The following ZNF43 variants were observed in gnomAD, a reference collection of about 807,000 sequenced individuals.
The protein encoded by ZNF43 is zinc finger protein 43, also known as zinc finger protein 39-like 1 (KOX 27).
A neutral mutation model predicts 68.4 loss-of-function variants in ZNF43; 44 were observed. The ratio of observed to expected loss-of-function variants is 0.64; its 90% CI spans 0.51 to 0.83. The LOEUF (loss-of-function observed/expected upper bound fraction) is 0.83, where lower values mean the gene tolerates loss of function less well. ZNF43 is among the 40% of genes least tolerant of loss of function. ZNF43 has a pLI of 0.00. For missense variants in ZNF43, 896 were observed against 933.2 expected (o/e 0.96, Z 0.52); for synonymous variants, 308 against 307.8 (o/e 1.00, Z -0.01).
intron 3 of ZNF43, among the ~76,000 whole-genome samples, chr19:21,813,290 A>G (rs1175925907): frequency 1.3e-5 from 2 of 152,100 alleles, no homozygotes; most frequent in Non-Finnish European, 1.5e-5. Context: ...CTTAAAAATG[A>G]AATCATCAAA....
intron 1 of ZNF43, among the ~76,000 whole-genome samples, chr19:21,832,868 GA>G (rs112486130): frequency 0.049 from 7,271 of 147,094 alleles, 329 homozygotes; most frequent in African/African-American, 0.12. Context: ...CATGTCAATT[GA>G]AAAAAAAAAA....
chr19:21,809,661 C>A lies in ZNF43; in HGVS notation c.376G>T (p.Val126Leu), dbSNP rs750791269. 8 of 1,613,506 alleles carry A rather than the reference C, an allele frequency of 5.0e-6. No homozygotes were observed. In the Admixed American group the frequency reaches 1.2e-4, roughly 24 times the overall value. The change falls in exon 4 of 4, where the codon GTG becomes TTG. Residue 126 changes from valine to leucine, a missense_variant. Coordinates refer to ENST00000354959, the MANE Select transcript of ZNF43 (RefSeq NM_003423.4). ...AATCCATTATAACCTCCTCTGTGCACCTTACACTCATCCACACTTTTATGG... is the reference window on the plus strand; with the variant it reads ...AATCCATTATAACCTCCTCTGTGCAACTTACACTCATCCACACTTTTATGG... ...KDHKSVDECK[V>L]HRGGYNGFNQ...
chr19:21,808,988 G>C lies in ZNF43; in HGVS notation c.1049C>G (p.Ala350Gly). 1 of 1,613,420 alleles carries C rather than the reference G, an allele frequency of 6.2e-7. No individual in the cohort carries two copies. Among genetic ancestry groups the C allele is most frequent in the Non-Finnish European group, 8.5e-7 (1 of 1,179,828 alleles). Residue 350 changes from alanine to glycine, a missense_variant, in exon 4 of 4, where the codon GCC becomes GGC. Coordinates refer to ENST00000354959, the MANE Select transcript of ZNF43 (RefSeq NM_003423.4). The part of the protein sequence containing the change: ...KPYTCEECGK[A>G]FNQFSNLTTH... ...AGTAAGGTTTGAGAACTGGTTAAAG[G>C]CTTTGCCACATTCTTCACATGTGTA...
intron 1 of ZNF43, among the ~76,000 whole-genome samples, chr19:21,844,921 A>AAAAATATATAT (rs1310761266): frequency 7.7e-5 from 2 of 26,050 alleles, no homozygotes; most frequent in Non-Finnish European, 6.2e-5. Context: ...AAAAAAAAAA[A>AAAAATATATAT]ATATATATAT....
chr19:21,835,787 G>A (rs1294491179), intron 1 of ZNF43, among the ~76,000 whole-genome samples: 1 of 152,248 alleles, frequency 6.6e-6, no homozygotes, highest in African/African-American at 2.4e-5. Flanking sequence ...CACAATTTGG[G>A]AGAGACGCCG....
At position 21,818,097 on chromosome 19, in the gene ZNF43, A is replaced by C; in HGVS notation, c.131-111T>G. Reference sequence around the variant, plus strand: ...ATAGAATATCCTAATCATTAATCCCAAAATACTAATTTTTTTTTTTTTGGA... The same window carrying C: ...ATAGAATATCCTAATCATTAATCCCCAAATACTAATTTTTTTTTTTTTGGA... On this transcript the variant is annotated intron_variant, in intron 2 of 3. Transcript: ENST00000354959. The C allele has an allele frequency of 3.3e-6, 4 of 1,212,232 alleles. No homozygotes were observed. In the South Asian group the frequency reaches 6.2e-5, roughly 19 times the overall value. The allele number at this position is 1,212,232 out of a possible 1,614,324, so 75.1% of individuals were successfully genotyped here. A position where few individuals can be genotyped will look rare whatever the true frequency, so the allele number is the denominator to read the frequency against.
chr19:21,849,943 C>G (rs940409264), intron 1 of ZNF43: 21 of 152,180 alleles, frequency 1.4e-4, no homozygotes, highest in African/African-American at 5.1e-4. Context: ...AGTCGCATCA[C>G]GTGCGTTTTG....
At position 21,829,916 on chromosome 19, in the gene ZNF43, A is replaced by T. The variant is rs2145305035; in HGVS notation, c.3+6120T>A. Among the ~76,000 whole-genome samples the T allele has an allele frequency of 2.0e-5, 3 of 152,308 alleles. 1 individual carries two copies. In the Middle Eastern group the frequency reaches 0.01, roughly 518 times the overall value. Reference sequence around the variant, plus strand: ...CTAAGCTAACAGAGGACAAGAAATGAAAATCAGATCTGAACTGGAGAGTTA... The same window carrying T: ...CTAAGCTAACAGAGGACAAGAAATGTAAATCAGATCTGAACTGGAGAGTTA... On this transcript the variant is annotated intron_variant, in intron 1 of 3. Coordinates refer to ENST00000354959, the MANE Select transcript of ZNF43 (RefSeq NM_003423.4).
At chr19:21,814,705 G>A (rs2037437529) in intron 3 of ZNF43, among the ~76,000 whole-genome samples, 1 of 151,900 alleles carries the variant, frequency 6.6e-6, no homozygotes, top group South Asian at 2.1e-4. Context: ...ACCGTGCCCG[G>A]CCAATTAAAG....
In ZNF43 at chr19:21,810,653, A is replaced by C. The variant is rs779620918; in HGVS notation, c.230-846T>G. On this transcript the variant is annotated intron_variant, in intron 3 of 3. Transcript: ENST00000354959. Reference sequence around the variant, plus strand: ...CTAGGATAAATACCAAGTCTTATTAAATTTAAGAATACCAGCTGGGTGCAG... The same window carrying C: ...CTAGGATAAATACCAAGTCTTATTACATTTAAGAATACCAGCTGGGTGCAG... 5.9e-5 allele frequency among the ~76,000 whole-genome samples: 9 copies of C among 152,338 alleles called. No individual in the cohort carries two copies. In the South Asian group the frequency reaches 8.3e-4, roughly 14 times the overall value.
In ZNF43 at chr19:21,818,929, C is replaced by T. The variant is rs546808719; in HGVS notation, c.130+166G>A. ...GTGGAAAGTTCAGGTCAAGATGAAA[C>T]ATCTTGAAAAAAATTCTTTAGTGCG... On this transcript the variant is annotated intron_variant, in intron 2 of 3. Transcript: ENST00000354959. 1.0e-3 allele frequency among the ~76,000 whole-genome samples: 156 copies of T among 152,050 alleles called. 1 individual carries two copies. The highest frequency in any genetic ancestry group is 1.9e-3 in the Non-Finnish European group (126 of 67,972).
intron 1 of ZNF43, among the ~76,000 whole-genome samples, chr19:21,851,704 A>G (rs1212779954): frequency 6.6e-6 from 1 of 152,110 alleles, no homozygotes; most frequent in East Asian, 1.9e-4. Flanking sequence ...CTGACCAGAG[A>G]GCTCCAGACA....
intron 1 of ZNF43, among the ~76,000 whole-genome samples, chr19:21,823,165 G>T (rs991669396): frequency 1.4e-4 from 21 of 152,244 alleles, no homozygotes; most frequent in African/African-American, 4.8e-4. Flanking sequence ...TCTACTCATT[G>T]TACCAACAAT....
chr19:21,830,393 G>T (rs2038368435), intron 1 of ZNF43, among the ~76,000 whole-genome samples: 1 of 151,242 alleles, frequency 6.6e-6, no homozygotes, highest in African/African-American at 2.4e-5. Context: ...AATGAAGAAA[G>T]AGAAGATCCA....
Position 21,827,662 on chromosome 19 carries a change from A to ATTT in ZNF43, c.3+8371_3+8373dup, listed in dbSNP as rs74174045. On this transcript the variant is annotated intron_variant, in intron 1 of 3. Coordinates refer to ENST00000354959, the MANE Select transcript of ZNF43 (RefSeq NM_003423.4). Reference sequence around the variant, plus strand: ...CAGGTGTGAGCTACTGCGCCTGGCCATTTTTTTTTTTTTTTTGAGATGGAG... The same window carrying ATTT: ...CAGGTGTGAGCTACTGCGCCTGGCCATTTTTTTTTTTTTTTTTTTGAGATGGAG... Among the ~76,000 whole-genome samples, 710 of 128,262 alleles carry ATTT rather than the reference A, an allele frequency of 5.5e-3. 10 individuals are homozygous for ATTT. The highest frequency in any genetic ancestry group is 0.02 in the African/African-American group (676 of 34,596). The allele number at this position is 128,262 out of a possible 152,430, so 84.1% of individuals were successfully genotyped here. A position where few individuals can be genotyped will look rare whatever the true frequency, so the allele number is the denominator to read the frequency against.
At chr19:21,833,643 G>GA (rs796471552) in intron 1 of ZNF43, among the ~76,000 whole-genome samples, 81 of 144,178 alleles carry the variant, frequency 5.6e-4, no homozygotes, top group African/African-American at 1.2e-3. Context: ...CCCAGGATCA[G>GA]AAAAAAAAAA....
chr19:21,823,597 TGAGATG>T (rs1481597114), intron 1 of ZNF43, among the ~76,000 whole-genome samples: 1 of 127,722 alleles, frequency 7.8e-6, no homozygotes, highest in African/African-American at 3.2e-5. Context: ...TTTTTTTTCG[TGAGATG>T]GAGTTTCGCT....
intron 1 of ZNF43, among the ~76,000 whole-genome samples, chr19:21,844,896 C>CAAAAAAAAA (rs869257892): frequency 2.8e-5 from 1 of 35,792 alleles, no homozygotes; most frequent in Admixed American, 5.6e-4. Context: ...GATTCCGTCT[C>CAAAAAAAAA]AAAAAAAAAA....
At chr19:21,837,084 G>A (rs556337227), upstream of ZNF43, among the ~76,000 whole-genome samples, 179 of 152,214 alleles carry the variant, frequency 1.2e-3, 1 homozygote, top group African/African-American at 3.9e-3. Flanking sequence ...GTATGCTAAT[G>A]GAATATTCTT....
Sources: allele counts gnomAD v4.1 joint callset (sites outside exome capture counted in the v4.1 genomes callset), GRCh38; gene constraint gnomAD v4.1.1; transcripts MANE v1.5; gene names NCBI Gene and HGNC (gene_info 2026-07-23, HGNC 2026-07-21).